MBD5: variants seen among roughly 807,000 people sequenced by gnomAD.
MBD5 encodes methyl-CpG binding domain protein 5, also known as methyl-CpG-binding domain protein 5.
Under a neutral mutation model 117.3 loss-of-function variants are expected in MBD5, and 13 were observed. The observed-to-expected ratio is 0.11, with a 90% CI of 0.07 to 0.18. MBD5 has a LOEUF of 0.18. MBD5 is among the 10% of genes least tolerant of loss of function. The probability of loss-of-function intolerance (pLI) is 1.00; values close to 1 mark genes in which losing one functional copy is unlikely to be tolerated. For missense variants in MBD5, 1,879 were observed against 2,093.8 expected, an observed-to-expected ratio of 0.90 and a Z score of 2.00; for synonymous variants, 727 against 766.4, an observed-to-expected ratio of 0.95 and a Z score of 0.85.
chr2:148,382,243 T>C (rs1176309878), intron 4 of MBD5, among the ~76,000 whole-genome samples: 1 of 150,854 alleles, frequency 6.6e-6, no homozygotes. Context: ...AGGCTCAAAA[T>C]AAAGGGATGG....
chr2:148,259,893 T>C (rs1700691307), intron 3 of MBD5, among the ~76,000 whole-genome samples: 2 of 152,288 alleles, frequency 1.3e-5, no homozygotes, highest in South Asian at 4.1e-4. Context: ...GCTATGTAAA[T>C]ACCTTGATTT....
chr2:148,215,943 T>G (rs1457233156), intron 2 of MBD5, among the ~76,000 whole-genome samples: 1 of 152,168 alleles, frequency 6.6e-6, no homozygotes, highest in Non-Finnish European at 1.5e-5. Context: ...CTTTATTTGG[T>G]CTTGTCTTTA....
chr2:148,084,994 A>T (rs1695741099), intron 1 of MBD5, among the ~76,000 whole-genome samples: 1 of 152,224 alleles, frequency 6.6e-6, no homozygotes, highest in Non-Finnish European at 1.5e-5. Context: ...AGAAAATGTC[A>T]CCAAAGGGGT....
At chr2:148,500,594 C>A (rs1681842560) in intron 11 of MBD5, among the ~76,000 whole-genome samples, 1 of 152,078 alleles carries the variant, frequency 6.6e-6, no homozygotes, top group African/African-American at 2.4e-5. Flanking sequence ...TTCGACCTAA[C>A]TTTGTTTTTT....
chr2:148,445,609 A>G (rs1176298355), intron 4 of MBD5, among the ~76,000 whole-genome samples: 4 of 151,492 alleles, frequency 2.6e-5, no homozygotes, highest in South Asian at 4.2e-4. Flanking sequence ...GTGTAAATGT[A>G]TCTTTATAGC....
chr2:148,197,681 T>C (rs967849429), intron 2 of MBD5, among the ~76,000 whole-genome samples: 35 of 152,172 alleles, frequency 2.3e-4, no homozygotes, highest in African/African-American at 8.2e-4. Context: ...TGCTTGAACA[T>C]TTAGGTTACT....
At chr2:148,349,728 A>AAAAGACTTATTTTGG (rs368046991) in intron 4 of MBD5, among the ~76,000 whole-genome samples, 88 of 152,138 alleles carry the variant, frequency 5.8e-4, no homozygotes, top group Non-Finnish European at 9.1e-4. Context: ...TTGGCAATAT[A>AAAAGACTTATTTTGG]CAATAAGTCA....
intron 2 of MBD5, among the ~76,000 whole-genome samples, chr2:148,212,117 T>G (rs1488376165): frequency 6.6e-6 from 1 of 152,168 alleles, no homozygotes; most frequent in African/African-American, 2.4e-5. Context: ...AGTTGAAAAT[T>G]TTAAATTGTA....
intron 1 of MBD5, among the ~76,000 whole-genome samples, chr2:148,086,392 T>A (rs1695792761): frequency 6.6e-6 from 1 of 152,200 alleles, no homozygotes; most frequent in Non-Finnish European, 1.5e-5. Flanking sequence ...TCATTCAGAA[T>A]CTGTTTTCTC....
At chr2:148,187,153 TG>T (rs1698681197) in intron 2 of MBD5, among the ~76,000 whole-genome samples, 2 of 152,194 alleles carry the variant, frequency 1.3e-5, no homozygotes, top group Admixed American at 1.3e-4. Flanking sequence ...TACAGGAGTT[TG>T]GGGCTGTAGT....
chr2:148,302,380 C>T (rs984746016), intron 3 of MBD5, among the ~76,000 whole-genome samples: 8 of 152,124 alleles, frequency 5.3e-5, no homozygotes, highest in African/African-American at 1.9e-4. Context: ...ACTTTCCCTC[C>T]CCATCAAAAA....
chr2:148,395,719 C>T (rs1704694006), intron 4 of MBD5, among the ~76,000 whole-genome samples: 1 of 152,068 alleles, frequency 6.6e-6, no homozygotes, highest in South Asian at 2.1e-4. Context: ...GCCACCGTGC[C>T]TGGCCCCAAC....
At chr2:148,263,310 A>G (rs1263938948) in intron 3 of MBD5, among the ~76,000 whole-genome samples, 1 of 152,172 alleles carries the variant, frequency 6.6e-6, no homozygotes, top group Admixed American at 6.5e-5. Context: ...TTAGATCAAA[A>G]TATATCGTGG....
intron 4 of MBD5, among the ~76,000 whole-genome samples, chr2:148,444,410 C>A (rs1706427504): frequency 6.6e-6 from 1 of 151,244 alleles, no homozygotes; most frequent in South Asian, 2.1e-4. Context: ...TTTTCTACTT[C>A]AGCCATCAGG....
intron 1 of MBD5, among the ~76,000 whole-genome samples, chr2:148,150,040 C>G (rs1401266650): frequency 8.0e-6 from 1 of 125,068 alleles, no homozygotes; most frequent in East Asian, 2.2e-4. Context: ...AATGGTAATG[C>G]CTAGGTTTTC....
At chr2:148,343,024 G>A (rs1364966801) in intron 4 of MBD5, among the ~76,000 whole-genome samples, 3 of 152,006 alleles carry the variant, frequency 2.0e-5, no homozygotes, top group Non-Finnish European at 2.9e-5. Flanking sequence ...GAGAACATGC[G>A]ATATTTGGTT....
chr2:148,490,136 T>C lies in MBD5; in HGVS notation c.4504T>C (p.Tyr1502His). Residue 1502 changes from tyrosine (Y) to histidine (H), a missense_variant, in exon 11 of 14, where the codon TAC becomes CAC. This residue lies in a region of MBD5 where 1,666 missense variants were observed against 1,792.2 expected (regional missense o/e 0.93). Coordinates refer to ENST00000642680, the MANE Select transcript of MBD5 (RefSeq NM_001378120.1). Reference protein sequence around the residue: ...ILEENFRYNNYKRTMMSFKER... With the variant: ...ILEENFRYNNHKRTMMSFKER... ...AGAGGAAAATTTCAGGTATAATAAC[T>C]ACAAAAGAACTATGATGAGTTTTAA... 6.2e-7 allele frequency: 1 copy of C among 1,613,740 alleles called. No homozygotes were observed. The highest frequency in any genetic ancestry group is 8.5e-7 in the Non-Finnish European group (1 of 1,179,932).
chr2:148,326,162 A>G (rs1702443648), intron 3 of MBD5, among the ~76,000 whole-genome samples: 1 of 152,144 alleles, frequency 6.6e-6, no homozygotes. Context: ...GAGATTCTTA[A>G]TCCTGAGTTC....
chr2:148,252,073 A>C (rs1574196084), intron 3 of MBD5, among the ~76,000 whole-genome samples: 1 of 152,286 alleles, frequency 6.6e-6, no homozygotes, highest in South Asian at 2.1e-4. Flanking sequence ...AGAGAGAGCT[A>C]TCAAGAGCGT....
Sources: allele counts gnomAD v4.1 joint callset (sites outside exome capture counted in the v4.1 genomes callset), GRCh38; gene constraint gnomAD v4.1.1; regional missense constraint gnomAD v4.1.1; transcripts MANE v1.5; gene names NCBI Gene and HGNC (gene_info 2026-07-23, HGNC 2026-07-21).